Variants in EPB41L5 observed in about 807,000 individuals in gnomAD.
EPB41L5 encodes the protein band 4.1-like protein 5.
A neutral mutation model predicts 106.6 loss-of-function variants in EPB41L5; 55 were observed. The ratio of observed to expected loss-of-function variants is 0.52; its 90% confidence interval spans 0.42 to 0.65. EPB41L5 has a LOEUF of 0.65. Ranked by LOEUF, EPB41L5 falls within the 30% of genes least tolerant of loss-of-function variation. The pLI, the probability that EPB41L5 is intolerant of heterozygous loss-of-function variation, is 0.00. For missense variants in EPB41L5, 871 were observed against 882.1 expected (o/e 0.99, Z 0.16); for synonymous variants, 297 against 306.7 (o/e 0.97, Z 0.33).
chr2:120,060,666 A>C (rs1473947918), intron 3 of EPB41L5, among the ~76,000 whole-genome samples: 1 of 152,164 alleles, frequency 6.6e-6, no homozygotes, highest in Non-Finnish European at 1.5e-5. Context: ...GTTCTTCGTG[A>C]TAATGGAATA....
chr2:120,094,847 A>G (rs1275998915), intron 14 of EPB41L5, among the ~76,000 whole-genome samples: 1 of 152,106 alleles, frequency 6.6e-6, no homozygotes, highest in Non-Finnish European at 1.5e-5. Flanking sequence ...ATTTCCTTGT[A>G]TTTGTGAATG....
intron 10 of EPB41L5, among the ~76,000 whole-genome samples, chr2:120,081,874 G>T (rs1038605954): frequency 4.6e-5 from 7 of 152,110 alleles, no homozygotes; most frequent in Non-Finnish European, 5.9e-5. Context: ...TGAAGCAATT[G>T]TGAATGGGAG....
intron 3 of EPB41L5, among the ~76,000 whole-genome samples, chr2:120,056,368 C>T (rs1450250758): frequency 6.6e-6 from 1 of 150,892 alleles, no homozygotes; most frequent in Non-Finnish European, 1.5e-5. Context: ...GGCGTGATCT[C>T]AGCTCACTGC....
chr2:120,147,921 A>T (rs573626351), intron 20 of EPB41L5, among the ~76,000 whole-genome samples: 2 of 152,292 alleles, frequency 1.3e-5, no homozygotes, highest in East Asian at 3.9e-4. Context: ...CTAGGTTCTT[A>T]TATAAACATG....
At chr2:120,026,512 G>A (rs746755559) in intron 2 of EPB41L5, among the ~76,000 whole-genome samples, 34 of 152,124 alleles carry the variant, frequency 2.2e-4, no homozygotes, top group Non-Finnish European at 4.1e-4. Flanking sequence ...GGGATTACAG[G>A]CGCCTGCCAC....
chr2:120,077,941 C>T (rs1339233697), intron 9 of EPB41L5, among the ~76,000 whole-genome samples: 1 of 152,088 alleles, frequency 6.6e-6, no homozygotes, highest in Non-Finnish European at 1.5e-5. Flanking sequence ...CAAACAGGCA[C>T]ATCTGTACAT....
At chr2:120,013,561 G>A (rs1205436076) in intron 1 of EPB41L5, 2 of 152,206 alleles carry the variant, frequency 1.3e-5, no homozygotes, top group Non-Finnish European at 2.9e-5. Context: ...CGTCCAGCGG[G>A]AGAGACAAAA....
intron 20 of EPB41L5, among the ~76,000 whole-genome samples, chr2:120,153,912 C>G (rs961355213): frequency 1.3e-5 from 2 of 152,184 alleles, no homozygotes; most frequent in Non-Finnish European, 2.9e-5. Flanking sequence ...TTGTAGATAA[C>G]ATACAGATGG....
intron 20 of EPB41L5, among the ~76,000 whole-genome samples, chr2:120,158,799 ATC>A (rs1421007460): frequency 3.3e-5 from 5 of 152,270 alleles, no homozygotes; most frequent in Admixed American, 6.5e-5. Flanking sequence ...AAGTCAAATT[ATC>A]TCTGTTTCCA....
intron 7 of EPB41L5, 140 bp from the exon 8 acceptor site, chr2:120,076,831 T>C (rs1330907331): frequency 5.7e-6 from 4 of 697,458 alleles, no homozygotes; most frequent in Non-Finnish European, 8.9e-6. Context: ...CAGATTTACT[T>C]TTGGAGACTT....
chr2:120,135,390 CAG>C (rs1218371792), intron 18 of EPB41L5, among the ~76,000 whole-genome samples: 3 of 152,046 alleles, frequency 2.0e-5, no homozygotes, highest in Admixed American at 2.0e-4. Flanking sequence ...GGGATAATAA[CAG>C]AGAATGTCCC....
intron 3 of EPB41L5, among the ~76,000 whole-genome samples, chr2:120,062,335 A>G (rs976082277): frequency 6.6e-6 from 1 of 152,288 alleles, no homozygotes; most frequent in East Asian, 1.9e-4. Flanking sequence ...TTGAAGGAGT[A>G]AGTCTAGAAA....
chr2:120,107,079 A>C (rs1044645736), intron 16 of EPB41L5, among the ~76,000 whole-genome samples: 1 of 152,004 alleles, frequency 6.6e-6, no homozygotes, highest in Non-Finnish European at 1.5e-5. Flanking sequence ...TTTTTTTAAA[A>C]ATTTCTTTTC....
rs921999659 is a variant in EPB41L5 at position 120,178,453 on chromosome 2, C to G, written c.*3546C>G. The G allele has an allele frequency of 1.3e-5, 2 of 152,192 alleles. No individual in the cohort carries two copies. The highest frequency in any genetic ancestry group is 4.8e-5 in the African/African-American group (2 of 41,442). The allele number at this position is 152,192 out of a possible 1,614,324, so 9.4% of individuals were successfully genotyped here. A position where few individuals can be genotyped will look rare whatever the true frequency, so the allele number is the denominator to read the frequency against. The stretch of plus-strand genomic sequence containing the variant: ...TCCCACTGTTGTGGGTGTCTCAGCT[C>G]TGAGGGTCTTTGTGAGTTCCCACCA... On this transcript the variant is annotated 3_prime_UTR_variant, in exon 25 of 25. Transcript: ENST00000263713.
At chr2:120,055,525 G>A (rs888301566) in intron 3 of EPB41L5, among the ~76,000 whole-genome samples, 3 of 104,932 alleles carry the variant, frequency 2.9e-5, no homozygotes, top group African/African-American at 1.2e-4. Context: ...GTCTTGCTCT[G>A]TCAACCAGGC....
At chr2:120,063,867 G>T (rs186772603) in intron 3 of EPB41L5, among the ~76,000 whole-genome samples, 1 of 152,048 alleles carries the variant, frequency 6.6e-6, no homozygotes, top group Admixed American at 6.5e-5. Flanking sequence ...GCTTGAACCC[G>T]GGAGGCGGAG....
chr2:120,136,852 C>CAA (rs1388071212), intron 18 of EPB41L5, among the ~76,000 whole-genome samples: 2 of 151,870 alleles, frequency 1.3e-5, no homozygotes, highest in Non-Finnish European at 2.9e-5. Flanking sequence ...AAAATTAACT[C>CAA]AAAAAATTGG....
At chr2:120,158,446 A>G (rs1280550249) in intron 20 of EPB41L5, among the ~76,000 whole-genome samples, 1 of 152,244 alleles carries the variant, frequency 6.6e-6, no homozygotes, top group Non-Finnish European at 1.5e-5. Context: ...ATGAAAATCA[A>G]TAAATGTGAT....
intron 3 of EPB41L5, among the ~76,000 whole-genome samples, chr2:120,047,094 T>G (rs1679834256): frequency 6.6e-6 from 1 of 152,222 alleles, no homozygotes; most frequent in East Asian, 1.9e-4. Flanking sequence ...TCAGGTAGCA[T>G]GATGCCTTCA....
Sources: allele counts gnomAD v4.1 joint callset (sites outside exome capture counted in the v4.1 genomes callset), GRCh38; gene constraint gnomAD v4.1.1; transcripts MANE v1.5; gene names NCBI Gene and HGNC (gene_info 2026-07-23, HGNC 2026-07-21).